KMT5B: variants seen among roughly 807,000 people sequenced by gnomAD.
KMT5B encodes histone-lysine N-methyltransferase KMT5B.
Under a neutral mutation model 83.2 loss-of-function variants are expected in KMT5B, and 10 were observed. The observed-to-expected ratio is 0.12, with a 90% CI of 0.07 to 0.20. KMT5B has a LOEUF of 0.20. Among genes scored for constraint, KMT5B ranks in the 10% least tolerant of loss-of-function variants. The pLI is 1.00. For synonymous variants in KMT5B, 349 were observed against 388.8 expected, an observed-to-expected ratio of 0.90 and a Z score of 1.20; for missense variants, 753 against 1,067.2, an observed-to-expected ratio of 0.71 and a Z score of 4.10.
intron 1 of KMT5B, among the ~76,000 whole-genome samples, chr11:68,195,535 A>T (rs550467035): frequency 1.3e-5 from 2 of 152,380 alleles, no homozygotes; most frequent in Admixed American, 6.5e-5. Context: ...TGATTTAAGC[A>T]CACAGAAAGC....
chr11:68,165,633 C>A, intron 10 of KMT5B: 1 of 916,350 alleles, frequency 1.1e-6, no homozygotes, highest in Non-Finnish European at 1.4e-6. Context: ...CCATGCCTGG[C>A]TTTTAAGTGT....
chr11:68,167,270 A>C (rs2153047493), intron 9 of KMT5B, 92 bp from the exon 10 acceptor site: 2 of 1,472,216 alleles, frequency 1.4e-6, no homozygotes, highest in East Asian at 5.0e-5. Flanking sequence ...AGGTTAACAG[A>C]TGTGATGAGC....
At chr11:68,210,857 C>G (rs138131831) in intron 1 of KMT5B, among the ~76,000 whole-genome samples, 1 of 152,206 alleles carries the variant, frequency 6.6e-6, no homozygotes, top group Non-Finnish European at 1.5e-5. Flanking sequence ...CGGGGAACTC[C>G]TGACCACGGA....
At chr11:68,179,366 C>A in intron 4 of KMT5B, 1 of 1,084,098 alleles carries the variant, frequency 9.2e-7, no homozygotes, top group Non-Finnish European at 1.2e-6. Context: ...TCTCTTTTTA[C>A]ACTTCCAATC....
intron 1 of KMT5B, among the ~76,000 whole-genome samples, chr11:68,202,699 C>A (rs1859605064): frequency 6.6e-6 from 1 of 151,528 alleles, no homozygotes; most frequent in African/African-American, 2.4e-5. Context: ...CAGGCGCGCA[C>A]CACTATGCCC....
chr11:68,190,020 G>A lies in KMT5B; in HGVS notation c.57C>T (p.Gly19=). 6.2e-7 allele frequency: 1 copy of A among 1,614,030 alleles called. No homozygotes were observed. Among genetic ancestry groups the A allele is most frequent in the Non-Finnish European group, 8.5e-7 (1 of 1,179,960 alleles). The part of the protein sequence containing the change: ...NMVVNGRRNG[G]KLSNDHQQNQ... ...TCTGCTGATGGTCATTAGACAACTT[G>A]CCTCCATTTCTCCTGCCATTCACCA... The change falls in exon 2 of 11, where the codon GGC becomes GGT. Residue 19 remains glycine (G), a synonymous_variant. Coordinates refer to ENST00000304363, the MANE Select transcript of KMT5B (RefSeq NM_017635.5).
intron 10 of KMT5B, chr11:68,166,117 C>T (rs2153046478): frequency 1.4e-6 from 2 of 1,443,302 alleles, no homozygotes; most frequent in South Asian, 3.1e-5. Flanking sequence ...AACTTTCTAA[C>T]TTCTGTCTCT....
At chr11:68,213,571 C>A (rs1861281917), upstream of KMT5B, 2 of 152,216 alleles carry the variant, frequency 1.3e-5, no homozygotes, top group Admixed American at 6.6e-5. Flanking sequence ...GCCTCCGGTT[C>A]CCGGGCGTCC....
At chr11:68,197,607 A>G (rs1411017885) in intron 1 of KMT5B, among the ~76,000 whole-genome samples, 1 of 152,238 alleles carries the variant, frequency 6.6e-6, no homozygotes, top group Non-Finnish European at 1.5e-5. Flanking sequence ...TCTAATGTGC[A>G]CATAATTTAA....
intron 3 of KMT5B, among the ~76,000 whole-genome samples, chr11:68,181,167 C>T (rs1418726879): frequency 6.6e-6 from 1 of 151,848 alleles, no homozygotes; most frequent in African/African-American, 2.4e-5. Context: ...CTCTGCCTCC[C>T]AGGTTCAAGT....
chr11:68,161,500 A>G (rs1854862909), intron 10 of KMT5B, among the ~76,000 whole-genome samples: 1 of 152,066 alleles, frequency 6.6e-6, no homozygotes, highest in South Asian at 2.1e-4. Context: ...GCACCCTTAC[A>G]CAACACTCAC....
At position 68,166,292 on chromosome 11, in the gene KMT5B, CTCTT is replaced by C. The variant is rs926085382; in HGVS notation, c.1174+686_1174+689del. The C allele has an allele frequency of 1.4e-5, 16 of 1,104,304 alleles. No individual in the cohort carries two copies. In the Admixed American group the frequency reaches 7.7e-4, roughly 53 times the overall value. 68.4% of individuals were successfully genotyped at this position (1,104,304 alleles called of 1,614,324 possible). A position where few individuals can be genotyped will look rare whatever the true frequency, so the allele number is the denominator to read the frequency against. On this transcript the variant is annotated intron_variant, in intron 10 of 10. Coordinates refer to ENST00000304363, the MANE Select transcript of KMT5B (RefSeq NM_017635.5). The stretch of plus-strand genomic sequence containing the variant: ...ATTTAGGGTTTCTTCTCTTTCCTTT[CTCTT>C]TGTTTAGTCTTCGTTCTCTTTTTCA...
At chr11:68,202,071 A>C (rs909022092) in intron 1 of KMT5B, among the ~76,000 whole-genome samples, 1 of 152,190 alleles carries the variant, frequency 6.6e-6, no homozygotes, top group African/African-American at 2.4e-5. Flanking sequence ...TGTCTCAAAG[A>C]AATAATAAAA....
chr11:68,170,182 A>G (rs112764182), intron 9 of KMT5B, among the ~76,000 whole-genome samples: 105 of 152,348 alleles, frequency 6.9e-4, no homozygotes, highest in African/African-American at 2.5e-3. Context: ...AGCAATATGA[A>G]GTGGAAAGAA....
rs1859425334 is a variant in KMT5B, at chr11:68,158,009, G to A, written c.2337C>T (p.Ile779=). 6.2e-7 allele frequency: 1 copy of A among 1,613,954 alleles called. No individual in the cohort carries two copies. Among genetic ancestry groups the A allele is most frequent in the Non-Finnish European group, 8.5e-7 (1 of 1,180,002 alleles). The change falls in exon 11 of 11, where the codon ATC becomes ATT. Residue 779 remains isoleucine, a synonymous_variant. Transcript: ENST00000304363. Reference sequence around the variant, plus strand: ...TATTTTCCTCATCTCGTTTTAGCTGGATTTTTAATTTTGTAGAACTACTGC... The same window carrying A: ...TATTTTCCTCATCTCGTTTTAGCTGAATTTTTAATTTTGTAGAACTACTGC... ...GSGSSSTKLK[I]QLKRDEENRG... is the part of the protein sequence containing the mutation.
At chr11:68,185,210 C>T (rs182687088) in intron 3 of KMT5B, among the ~76,000 whole-genome samples, 1 of 152,170 alleles carries the variant, frequency 6.6e-6, no homozygotes, top group African/African-American at 2.4e-5. Flanking sequence ...ATTGTCATCA[C>T]CTTTTTTTTT....
intron 3 of KMT5B, 100 bp downstream of exon 3, chr11:68,185,681 T>G (rs1857378476): frequency 8.0e-7 from 1 of 1,257,512 alleles, no homozygotes; most frequent in Non-Finnish European, 1.1e-6. Context: ...AACTTTCCTT[T>G]AATGTCATTT....
At chr11:68,196,518 T>G (rs1302700192) in intron 1 of KMT5B, among the ~76,000 whole-genome samples, 1 of 150,098 alleles carries the variant, frequency 6.7e-6, no homozygotes, top group Non-Finnish European at 1.5e-5. Context: ...ATAAATAGGT[T>G]GTATTCTAAA....
intron 10 of KMT5B, among the ~76,000 whole-genome samples, chr11:68,161,451 T>C (rs1037809694): frequency 6.6e-6 from 1 of 152,012 alleles, no homozygotes; most frequent in Admixed American, 6.6e-5. Flanking sequence ...AACCTTTGAT[T>C]TCTCCTCTTT....
Sources: allele counts gnomAD v4.1 joint callset (sites outside exome capture counted in the v4.1 genomes callset), GRCh38; gene constraint gnomAD v4.1.1; transcripts MANE v1.5; gene names NCBI Gene and HGNC (gene_info 2026-07-23, HGNC 2026-07-21).